The following FAM13B variants were observed in gnomAD, a reference collection of about 807,000 sequenced individuals.
FAM13B encodes the protein protein FAM13B.
Under a neutral mutation model 117.3 loss-of-function variants are expected in FAM13B, and 60 were observed. The observed-to-expected ratio is 0.51, with a 90% confidence interval of 0.42 to 0.63. The LOEUF (loss-of-function observed/expected upper bound fraction) is 0.63. Ranked by LOEUF, FAM13B falls within the 30% of genes least tolerant of loss-of-function variation. The probability of loss-of-function intolerance (pLI) is 0.00; values close to 1 mark genes in which losing one functional copy is unlikely to be tolerated. For missense variants in FAM13B, 972 were observed against 1,091.9 expected (o/e 0.89, Z 1.55); for synonymous variants, 332 against 356.1 (o/e 0.93, Z 0.76).
At chr5:138,049,923 A>G (rs1474313336) in intron 1 of FAM13B, among the ~76,000 whole-genome samples, 1 of 152,034 alleles carries the variant, frequency 6.6e-6, no homozygotes, top group East Asian at 1.9e-4. Flanking sequence ...ACTAGGAGTT[A>G]GAGACCAACC....
chr5:138,010,944 A>G (rs750594247), intron 6 of FAM13B, 64 bp downstream of exon 6: 548 of 1,347,104 alleles, frequency 4.1e-4, no homozygotes, highest in Non-Finnish European at 5.0e-4. Context: ...AGTCTTTAAG[A>G]GCATATTATT....
chr5:137,992,927 A>T (rs1778979057), intron 7 of FAM13B, among the ~76,000 whole-genome samples: 1 of 152,258 alleles, frequency 6.6e-6, no homozygotes, highest in Non-Finnish European at 1.5e-5. Context: ...TTAATAAGTC[A>T]CAAAGTAAAA....
intron 1 of FAM13B, among the ~76,000 whole-genome samples, chr5:138,027,752 T>C (rs977704517): frequency 2.0e-5 from 3 of 152,218 alleles, no homozygotes; most frequent in Non-Finnish European, 4.4e-5. Context: ...TCATCTAGAA[T>C]TGTAATCCTC....
chr5:138,011,070 CATA>C lies in FAM13B; in HGVS notation c.625_627del (p.Tyr209del). ...TCTTCCTCTTCATTCTCAAAAAACT[CATA>C]GTAGTTTTCCAGAAGTCCAGCCATT... On this transcript the variant is annotated inframe_deletion, in exon 6 of 24. Transcript: ENST00000689681. 2 of 1,609,246 alleles carry C rather than the reference CATA, an allele frequency of 1.2e-6. No homozygotes were observed. Among genetic ancestry groups the C allele is most frequent in the Non-Finnish European group, 1.7e-6 (2 of 1,178,938 alleles).
At chr5:137,996,488 C>T (rs1779895065) in intron 7 of FAM13B, among the ~76,000 whole-genome samples, 1 of 152,102 alleles carries the variant, frequency 6.6e-6, no homozygotes, top group South Asian at 2.1e-4. Context: ...AAATCACTTA[C>T]ACCTTCTTTC....
intron 10 of FAM13B, among the ~76,000 whole-genome samples, chr5:137,980,541 C>T (rs1461820630): frequency 6.6e-6 from 1 of 150,496 alleles, no homozygotes; most frequent in East Asian, 2.0e-4. Context: ...CTCCCAGGCT[C>T]AAGCAATCCT....
intron 1 of FAM13B, among the ~76,000 whole-genome samples, chr5:138,048,863 A>T (rs945423312): frequency 6.6e-6 from 1 of 152,082 alleles, no homozygotes; most frequent in Non-Finnish European, 1.5e-5. Context: ...GACCTTTGCC[A>T]CTACCTCAAT....
chr5:138,002,254 T>A (rs1324440776), intron 7 of FAM13B, among the ~76,000 whole-genome samples: 1 of 152,092 alleles, frequency 6.6e-6, no homozygotes, highest in East Asian at 1.9e-4. Flanking sequence ...GGAAGTTGGG[T>A]GCAGTGGCTC....
rs1761188004 is a variant in FAM13B at position 137,940,076 on chromosome 5, T to C, written c.*149A>G. 1 of 1,614,164 alleles carries C rather than the reference T, an allele frequency of 6.2e-7. No individual in the cohort carries two copies. On this transcript the variant is annotated 3_prime_UTR_variant, in exon 24 of 24. Coordinates refer to ENST00000689681, the MANE Select transcript of FAM13B (RefSeq NM_001385994.1). ...AGAGGGCCTACTTACTCTCCCATCA[T>C]TTGTTTTGTTTAGTGGCACCACAAC... is the stretch of plus-strand genomic sequence containing the variant.
intron 7 of FAM13B, among the ~76,000 whole-genome samples, chr5:137,992,260 T>A (rs1243770603): frequency 1.3e-5 from 2 of 151,174 alleles, no homozygotes; most frequent in Non-Finnish European, 2.9e-5. Flanking sequence ...TTAAAACCTA[T>A]TTTTAATATA....
At chr5:137,969,676 CA>C (rs1208224703) in intron 10 of FAM13B, among the ~76,000 whole-genome samples, 5 of 152,118 alleles carry the variant, frequency 3.3e-5, no homozygotes, top group Non-Finnish European at 7.4e-5. Context: ...TACGGGAGGA[CA>C]TTCAAACCAA....
chr5:137,953,299 T>C (rs1298036987), intron 16 of FAM13B, 37 bp downstream of exon 16: 1 of 1,607,868 alleles, frequency 6.2e-7, no homozygotes, highest in South Asian at 1.1e-5. Context: ...GTTCTAATAT[T>C]AGATTAAGCT....
At chr5:138,018,126 G>A (rs1229412956) in intron 4 of FAM13B, among the ~76,000 whole-genome samples, 176 bp downstream of exon 4, 1 of 152,096 alleles carries the variant, frequency 6.6e-6, no homozygotes, top group East Asian at 1.9e-4. Flanking sequence ...GTACTAGAGG[G>A]ATCCCGGAAG....
At chr5:138,037,543 C>T (rs926161815), upstream of FAM13B, among the ~76,000 whole-genome samples, 2 of 151,746 alleles carry the variant, frequency 1.3e-5, no homozygotes, top group Non-Finnish European at 2.9e-5. Flanking sequence ...CTAATAATGC[C>T]CTCATTATTC....
chr5:137,994,101 T>C (rs1779290171), intron 7 of FAM13B, among the ~76,000 whole-genome samples: 1 of 152,226 alleles, frequency 6.6e-6, no homozygotes, highest in African/African-American at 2.4e-5. Context: ...ACCCTTTTAA[T>C]TGCTACTGAA....
chr5:138,022,263 G>C (rs150454204), intron 1 of FAM13B, among the ~76,000 whole-genome samples: 25 of 152,336 alleles, frequency 1.6e-4, no homozygotes, highest in Admixed American at 4.6e-4. Context: ...TAGAGAGAGA[G>C]AGAAGAACTT....
At chr5:138,034,386 C>A (rs1328420689), upstream of FAM13B, among the ~76,000 whole-genome samples, 1 of 152,198 alleles carries the variant, frequency 6.6e-6, no homozygotes, top group Admixed American at 6.5e-5. Flanking sequence ...AATTCTGGAT[C>A]TCCGTTAAGA....
At chr5:138,023,555 A>C (rs1274469632) in intron 1 of FAM13B, among the ~76,000 whole-genome samples, 1 of 152,120 alleles carries the variant, frequency 6.6e-6, no homozygotes, top group Non-Finnish European at 1.5e-5. Flanking sequence ...GTATGATAGA[A>C]TGTCACATTC....
At chr5:137,963,842 A>G (rs1483027264) in intron 10 of FAM13B, among the ~76,000 whole-genome samples, 1 of 152,138 alleles carries the variant, frequency 6.6e-6, no homozygotes, top group Non-Finnish European at 1.5e-5. Context: ...TGTGTTCCTT[A>G]TGAGAATCTA....
Sources: allele counts gnomAD v4.1 joint callset (sites outside exome capture counted in the v4.1 genomes callset), GRCh38; gene constraint gnomAD v4.1.1; transcripts MANE v1.5; gene names NCBI Gene and HGNC (gene_info 2026-07-23, HGNC 2026-07-21).